SLC35F4: variants seen among roughly 807,000 people sequenced by gnomAD.
SLC35F4 encodes the protein solute carrier family 35 member F4, also known as chromosome 14 open reading frame 36.
A neutral mutation model predicts 44.2 loss-of-function variants in SLC35F4; 24 were observed. The observed-to-expected ratio is 0.54, with a 90% confidence interval of 0.39 to 0.76. SLC35F4 has a LOEUF of 0.76. Among genes scored for constraint, SLC35F4 ranks in the 30% least tolerant of loss-of-function variants. SLC35F4 has a pLI of 0.00. For missense variants in SLC35F4, 562 were observed against 586.1 expected (o/e 0.96, Z 0.42); for synonymous variants, 238 against 223.6 (o/e 1.06, Z -0.57).
At chr14:57,695,468 G>GCA (rs2075356617) in intron 1 of SLC35F4, among the ~76,000 whole-genome samples, 1 of 151,486 alleles carries the variant, frequency 6.6e-6, no homozygotes, top group African/African-American at 2.4e-5. Flanking sequence ...AAACCACAAT[G>GCA]AGATACCATC....
chr14:57,591,832 A>G (rs887707835), intron 2 of SLC35F4, among the ~76,000 whole-genome samples: 1 of 152,222 alleles, frequency 6.6e-6, no homozygotes, highest in Non-Finnish European at 1.5e-5. Context: ...CCCAGGGACT[A>G]CCTTATAAAG....
chr14:57,729,284 C>T (rs1373952421), intron 1 of SLC35F4, among the ~76,000 whole-genome samples: 1 of 152,022 alleles, frequency 6.6e-6, no homozygotes, highest in Non-Finnish European at 1.5e-5. Flanking sequence ...TTACTTTACT[C>T]TCTGCTTTTC....
At chr14:57,925,053 C>A (rs938906804) in intron 1 of SLC35F4, among the ~76,000 whole-genome samples, 1 of 152,020 alleles carries the variant, frequency 6.6e-6, no homozygotes, top group Admixed American at 6.6e-5. Context: ...TCATGCCTGG[C>A]CACGAGGCTC....
intron 1 of SLC35F4, among the ~76,000 whole-genome samples, chr14:57,898,525 G>A (rs1014389419): frequency 1.3e-5 from 2 of 152,194 alleles, no homozygotes; most frequent in Non-Finnish European, 2.9e-5. Context: ...AAACAGAGAT[G>A]CAGGAAGCAG....
At chr14:57,682,060 G>T (rs2074923152) in intron 1 of SLC35F4, among the ~76,000 whole-genome samples, 1 of 152,220 alleles carries the variant, frequency 6.6e-6, no homozygotes, top group African/African-American at 2.4e-5. Flanking sequence ...GTGTAAATTA[G>T]TTCAGTCATT....
rs1279183882 is a variant in SLC35F4, at chr14:57,580,494, T to C, written c.807+720A>G. ...TTCATCATAGTGGCATGCCGGATTA[T>C]ATGAATGAGATCTGGCTCCTTAAAT... On this transcript the variant is annotated intron_variant, in intron 4 of 7. Coordinates refer to ENST00000556826, the MANE Select transcript of SLC35F4 (RefSeq NM_001306087.2). 1.8e-5 allele frequency: 7 copies of C among 381,378 alleles called. 1 individual carries two copies. Among genetic ancestry groups the C allele is most frequent in the Non-Finnish European group, 3.5e-5 (7 of 198,418 alleles). 23.6% of individuals were successfully genotyped at this position (381,378 alleles called of 1,614,324 possible). A position where few individuals can be genotyped will look rare whatever the true frequency, so the allele number is the denominator to read the frequency against.
At chr14:57,630,508 C>A (rs12883530) in intron 1 of SLC35F4, 472,887 of 1,048,296 alleles carry the variant, frequency 0.45, 116,763 homozygotes, top group Admixed American at 0.59. Flanking sequence ...CATCTCACAC[C>A]AAAACTAGAG....
intron 1 of SLC35F4, among the ~76,000 whole-genome samples, chr14:57,696,170 G>C (rs1016702514): frequency 6.6e-6 from 1 of 152,130 alleles, no homozygotes; most frequent in African/African-American, 2.4e-5. Context: ...GAAAATTTTT[G>C]CAATCTATCC....
intron 1 of SLC35F4, among the ~76,000 whole-genome samples, chr14:57,891,553 C>G (rs1383681281): frequency 6.6e-6 from 1 of 152,072 alleles, no homozygotes; most frequent in Non-Finnish European, 1.5e-5. Flanking sequence ...AATATAAGTA[C>G]AGTAAATTTT....
At chr14:57,740,976 G>A (rs906592722) in intron 1 of SLC35F4, among the ~76,000 whole-genome samples, 2 of 152,164 alleles carry the variant, frequency 1.3e-5, no homozygotes, top group Non-Finnish European at 2.9e-5. Flanking sequence ...ACAGGGTCTC[G>A]AGTGGACCTC....
intron 1 of SLC35F4, among the ~76,000 whole-genome samples, chr14:57,641,151 G>A (rs561697742): frequency 4.6e-5 from 7 of 151,894 alleles, no homozygotes; most frequent in African/African-American, 9.7e-5. Context: ...TTTATAAAAT[G>A]TAAGCCTTTT....
chr14:57,625,085 C>T (rs1303237323), intron 1 of SLC35F4, among the ~76,000 whole-genome samples: 2 of 152,144 alleles, frequency 1.3e-5, no homozygotes. Context: ...TCTCCTTAAG[C>T]TGATAAGCAA....
intron 1 of SLC35F4, among the ~76,000 whole-genome samples, chr14:57,890,586 T>A (rs985084527): frequency 6.6e-6 from 1 of 152,184 alleles, no homozygotes; most frequent in African/African-American, 2.4e-5. Flanking sequence ...ATATTCTTTT[T>A]TCCAATTACC....
intron 4 of SLC35F4, 82 bp downstream of exon 4, chr14:57,581,132 G>A (rs997900009): frequency 4.6e-5 from 63 of 1,366,352 alleles, no homozygotes; most frequent in South Asian, 1.1e-4. Context: ...GCAACTCCAC[G>A]AAACAAAGCA....
At chr14:57,973,256 AT>A (rs1156698245), downstream of SLC35F4, among the ~76,000 whole-genome samples, 4 of 152,192 alleles carry the variant, frequency 2.6e-5, no homozygotes, top group African/African-American at 9.7e-5. Flanking sequence ...GTGGGTAATT[AT>A]ATGGGAATAA....
At chr14:57,774,374 G>T (rs77472648) in intron 1 of SLC35F4, among the ~76,000 whole-genome samples, 1 of 152,194 alleles carries the variant, frequency 6.6e-6, no homozygotes, top group African/African-American at 2.4e-5. Flanking sequence ...ATGGACACTT[G>T]TGTTGGCATG....
intron 1 of SLC35F4, chr14:57,595,851 C>G (rs2070457337): frequency 6.6e-6 from 1 of 152,220 alleles, no homozygotes; most frequent in South Asian, 2.1e-4. Flanking sequence ...ATCACTTCTC[C>G]AAGCATTTCT....
intron 3 of SLC35F4, among the ~76,000 whole-genome samples, chr14:57,587,924 G>T (rs8015716): frequency 0.32 from 47,174 of 149,382 alleles, 7,506 homozygotes; most frequent in Middle Eastern, 0.37. Context: ...GCTGGCTCAC[G>T]CCTGTAATCC....
At chr14:57,981,417 C>G (rs1881378697) in intron 1 of SLC35F4, among the ~76,000 whole-genome samples, 1 of 152,166 alleles carries the variant, frequency 6.6e-6, no homozygotes, top group Non-Finnish European at 1.5e-5. Context: ...AACTGAGGCT[C>G]AGGTAGACTA....
Sources: allele counts gnomAD v4.1 joint callset (sites outside exome capture counted in the v4.1 genomes callset), GRCh38; gene constraint gnomAD v4.1.1; transcripts MANE v1.5; gene names NCBI Gene and HGNC (gene_info 2026-07-23, HGNC 2026-07-21).